The following GRM4 variants were observed in gnomAD, a reference collection of about 807,000 sequenced individuals.
The protein encoded by GRM4 is glutamate metabotropic receptor 4, also known as metabotropic glutamate receptor 4.
GRM4 carries 28 observed loss-of-function variants against 81.7 expected under a neutral mutation model. The ratio of observed to expected loss-of-function variants is 0.34; its 90% confidence interval spans 0.25 to 0.47. The LOEUF (loss-of-function observed/expected upper bound fraction) is 0.47, where lower values mean the gene tolerates loss of function less well. Among genes scored for constraint, GRM4 ranks in the 20% least tolerant of loss-of-function variants. The pLI is 1.00. For missense variants in GRM4, 948 were observed against 1,290.0 expected (o/e 0.73, Z 4.06); for synonymous variants, 488 against 528.8 (o/e 0.92, Z 1.06).
chr6:34,092,207 C>T lies in GRM4; in HGVS notation c.520-108G>A. On this transcript the variant is annotated intron_variant, in intron 2 of 10. Coordinates refer to ENST00000538487, the MANE Select transcript of GRM4 (RefSeq NM_000841.4). The surrounding 1 kb of genome is among the most constrained non-coding windows in gnomAD (Gnocchi z 6.8). ...CCCTTTGGTCCCCACAGCCTTGGGA[C>T]CACCACAGCCCACCCCTCCCCATGG... is the stretch of plus-strand genomic sequence containing the variant. 1.5e-6 allele frequency: 1 copy of T among 673,672 alleles called. No homozygotes were observed. Among genetic ancestry groups the T allele is most frequent in the South Asian group, 1.8e-5 (1 of 54,090 alleles). 41.7% of individuals were successfully genotyped at this position (673,672 alleles called of 1,614,324 possible). A position where few individuals can be genotyped will look rare whatever the true frequency, so the allele number is the denominator to read the frequency against.
chr6:34,022,694 G>T lies in GRM4; in HGVS notation c.*127C>A. 1.2e-6 allele frequency: 1 copy of T among 811,844 alleles called. No homozygotes were observed. Among genetic ancestry groups the T allele is most frequent in the Non-Finnish European group, 2.1e-6 (1 of 481,822 alleles). 50.3% of individuals were successfully genotyped at this position (811,844 alleles called of 1,614,324 possible). A position where few individuals can be genotyped will look rare whatever the true frequency, so the allele number is the denominator to read the frequency against. Reference sequence around the variant, plus strand: ...ATGGCTGGGGGCTCTGCTATCCTCAGCACCAAGCCACGTCCGTGGGTGCCC... The same window carrying T: ...ATGGCTGGGGGCTCTGCTATCCTCATCACCAAGCCACGTCCGTGGGTGCCC... On this transcript the variant is annotated 3_prime_UTR_variant, in exon 11 of 11. Transcript: ENST00000538487. The surrounding 1 kb of genome is among the most constrained non-coding windows in gnomAD (Gnocchi z 5.6).
chr6:34,140,001 G>T (rs1315038507), intron 1 of GRM4, among the ~76,000 whole-genome samples: 1 of 152,180 alleles, frequency 6.6e-6, no homozygotes, highest in Non-Finnish European at 1.5e-5. Flanking sequence ...GTGGGCACAG[G>T]ACGAACAACA....
intron 2 of GRM4, chr6:34,110,653 T>C: frequency 3.0e-6 from 4 of 1,348,644 alleles, no homozygotes; most frequent in Non-Finnish European, 4.1e-6. Context: ...CCCCTTCTCA[T>C]CCCCACCTTA....
intron 2 of GRM4, among the ~76,000 whole-genome samples, chr6:34,108,768 T>A (rs951914328): frequency 2.6e-5 from 4 of 152,086 alleles, no homozygotes; most frequent in Non-Finnish European, 4.4e-5. Flanking sequence ...CCCCGCCCTG[T>A]ATTGAGGATC....
At chr6:34,098,421 C>G (rs2127491624) in intron 2 of GRM4, among the ~76,000 whole-genome samples, 1 of 152,332 alleles carries the variant, frequency 6.6e-6, no homozygotes, top group Non-Finnish European at 1.5e-5. Context: ...TGACTCTGCT[C>G]TTTCTGTTCC....
At chr6:34,030,317 G>C (rs1764350054) in intron 9 of GRM4, among the ~76,000 whole-genome samples, 1 of 152,196 alleles carries the variant, frequency 6.6e-6, no homozygotes, top group African/African-American at 2.4e-5. Flanking sequence ...TCACACTGGG[G>C]GTTCTTGGAA....
Position 34,035,554 on chromosome 6 carries a change from A to T in GRM4, c.2442+114T>A. 2.7e-6 allele frequency: 1 copy of T among 367,202 alleles called. No individual in the cohort carries two copies. Among genetic ancestry groups the T allele is most frequent in the Non-Finnish European group, 4.3e-6 (1 of 231,406 alleles). The allele number at this position is 367,202 out of a possible 1,614,324, so 22.7% of individuals were successfully genotyped here. On this transcript the variant is annotated intron_variant, in intron 9 of 10. Transcript: ENST00000538487. The surrounding 1 kb of genome is among the most constrained non-coding windows in gnomAD (Gnocchi z 6.6). ...ATGAGGCAAGAAAGAAGGCAGAATGAGGCATGAAAGAAGGCATTTCTGGAG... is the reference window on the plus strand; with the variant it reads ...ATGAGGCAAGAAAGAAGGCAGAATGTGGCATGAAAGAAGGCATTTCTGGAG...
chr6:34,077,916 T>C (rs748136257), intron 3 of GRM4, among the ~76,000 whole-genome samples: 2 of 152,154 alleles, frequency 1.3e-5, no homozygotes, highest in Non-Finnish European at 2.9e-5. Flanking sequence ...CGGGACTAGA[T>C]GCCTCTGTGC....
chr6:34,105,917 C>T (rs1196400483), intron 2 of GRM4: 1 of 152,192 alleles, frequency 6.6e-6, no homozygotes, highest in Non-Finnish European at 1.5e-5. Context: ...AATCCAACCA[C>T]GACTCACCTC....
At chr6:34,112,789 G>C (rs778406952) in intron 2 of GRM4, among the ~76,000 whole-genome samples, 6 of 152,080 alleles carry the variant, frequency 3.9e-5, no homozygotes, top group Non-Finnish European at 8.8e-5. Context: ...GAAACACCAA[G>C]AATGCGAGTG....
At chr6:34,065,266 T>C (rs1046482784) in intron 3 of GRM4, among the ~76,000 whole-genome samples, 6 of 152,148 alleles carry the variant, frequency 3.9e-5, no homozygotes, top group Non-Finnish European at 8.8e-5. Context: ...GCCATCCCTG[T>C]GCCCAGCCCC....
intron 2 of GRM4, among the ~76,000 whole-genome samples, chr6:34,123,824 C>T (rs1769911604): frequency 6.6e-6 from 1 of 152,232 alleles, no homozygotes; most frequent in Admixed American, 6.5e-5. Context: ...GCAGCCACCA[C>T]ATTACTGCCC....
In GRM4 at chr6:34,058,964, C is replaced by G; in HGVS notation, c.1027+10G>C. 4 of 1,609,896 alleles carry G rather than the reference C, an allele frequency of 2.5e-6. No individual in the cohort carries two copies. The highest frequency in any genetic ancestry group is 1.3e-5 in the African/African-American group (1 of 74,980). On this transcript the variant is annotated intron_variant, in intron 5 of 10. Transcript: ENST00000538487. ...GATGGTGCCGACCACCTGCACCCGC[C>G]CAGCCTTACCTCGTACGGACATCCT...
intron 3 of GRM4, among the ~76,000 whole-genome samples, chr6:34,076,178 T>C (rs1488901761): frequency 6.6e-6 from 1 of 152,080 alleles, no homozygotes; most frequent in Non-Finnish European, 1.5e-5. Context: ...CCCTTGGAAG[T>C]GGAAACTGAA....
Position 34,059,966 on chromosome 6 carries a change from C to T in GRM4, c.873-838G>A, listed in dbSNP as rs780603671. Reference sequence around the variant, plus strand: ...GTAGGGAGGAGGCAAGGAACTTGCTCACAGTCACACAGCAAGTGAGAGGCT... The same window carrying T: ...GTAGGGAGGAGGCAAGGAACTTGCTTACAGTCACACAGCAAGTGAGAGGCT... On this transcript the variant is annotated intron_variant, in intron 4 of 10. Transcript: ENST00000538487. The surrounding 1 kb of genome is among the most constrained non-coding windows in gnomAD (Gnocchi z 5.7). 1.3e-5 allele frequency: 2 copies of T among 152,306 alleles called. No homozygotes were observed. Among genetic ancestry groups the T allele is most frequent in the Non-Finnish European group, 2.9e-5 (2 of 68,086 alleles). The allele number at this position is 152,306 out of a possible 1,614,324, so 9.4% of individuals were successfully genotyped here. A position where few individuals can be genotyped will look rare whatever the true frequency, so the allele number is the denominator to read the frequency against.
chr6:34,024,834 T>A, intron 10 of GRM4: 1 of 448,498 alleles, frequency 2.2e-6, no homozygotes, highest in African/African-American at 2.0e-5. Context: ...TGCCACAACA[T>A]CCAAAAAAAG....
chr6:34,022,814 G>A lies in GRM4; in HGVS notation c.*7C>T. The A allele has an allele frequency of 1.9e-6, 3 of 1,612,688 alleles. No homozygotes were observed. The highest frequency in any genetic ancestry group is 8.5e-7 in the Non-Finnish European group (1 of 1,178,676). ...TCCTCCTCCTGCTGCTCAGCTCCAT[G>A]GACTCGCTAGATTGCATGGTTGGTG... On this transcript the variant is annotated 3_prime_UTR_variant, in exon 11 of 11. Coordinates refer to ENST00000538487, the MANE Select transcript of GRM4 (RefSeq NM_000841.4). The surrounding 1 kb of genome is among the most constrained non-coding windows in gnomAD (Gnocchi z 5.6).
At chr6:34,112,829 C>A (rs923246814) in intron 2 of GRM4, among the ~76,000 whole-genome samples, 26 of 152,308 alleles carry the variant, frequency 1.7e-4, no homozygotes, top group African/African-American at 4.8e-4. Flanking sequence ...ACCTCTCGGC[C>A]AGGGATGCTC....
At chr6:34,055,330 C>T (rs1439842363) in intron 6 of GRM4, 3 of 152,250 alleles carry the variant, frequency 2.0e-5, no homozygotes, top group Non-Finnish European at 2.9e-5. Flanking sequence ...CACACTCACA[C>T]ACTAGCACTC....
Sources: gnomAD v4.1 joint callset for allele counts (sites outside exome capture counted in the v4.1 genomes callset) on GRCh38, gnomAD v4.1.1 for gene constraint, Gnocchi (gnomAD v3.1) non-coding constraint, MANE v1.5 for transcripts, NCBI Gene and HGNC (gene_info 2026-07-23, HGNC 2026-07-21) for gene names.